The following RAPGEF4 variants were observed in gnomAD, a reference collection of about 807,000 sequenced individuals.
RAPGEF4 encodes the protein RAP guanine-nucleotide-exchange factor (GEF) 4.
A neutral mutation model predicts 147.9 loss-of-function variants in RAPGEF4; 66 were observed. The observed-to-expected ratio is 0.45, with a 90% CI of 0.37 to 0.55. The LOEUF (loss-of-function observed/expected upper bound fraction) is 0.55. Among genes scored for constraint, RAPGEF4 ranks in the 20% least tolerant of loss-of-function variants. RAPGEF4 has a pLI of 0.00. For synonymous variants in RAPGEF4, 419 were observed against 442.7 expected (o/e 0.95, Z 0.67); for missense variants, 1,071 against 1,257.3 (o/e 0.85, Z 2.24).
At chr2:172,925,409 C>A (rs1349317430) in intron 6 of RAPGEF4, among the ~76,000 whole-genome samples, 1 of 152,126 alleles carries the variant, frequency 6.6e-6, no homozygotes, top group African/African-American at 2.4e-5. Context: ...TATATTGCAC[C>A]TTTGTAGGAA....
chr2:172,774,076 G>A (rs76055991), intron 1 of RAPGEF4, among the ~76,000 whole-genome samples: 4,223 of 152,252 alleles, frequency 0.028, 117 homozygotes, highest in African/African-American at 0.063. Flanking sequence ...TTACTGTTGC[G>A]CTACTTCTAA....
intron 1 of RAPGEF4, among the ~76,000 whole-genome samples, chr2:172,761,138 T>G (rs1161271878): frequency 6.6e-6 from 1 of 151,218 alleles, no homozygotes; most frequent in Non-Finnish European, 1.5e-5. Flanking sequence ...CTTTTTTTTT[T>G]GTTTTAGACG....
intron 16 of RAPGEF4, among the ~76,000 whole-genome samples, chr2:173,000,729 CTTTCTTTCTTT>C (rs1693811469): frequency 8.0e-6 from 1 of 124,820 alleles, no homozygotes; most frequent in Non-Finnish European, 1.7e-5. Context: ...ATCTTGTTTT[CTTTCTTTCTTT>C]TCTTTCTTTC....
chr2:173,021,520 G>A (rs1426739236), intron 23 of RAPGEF4, among the ~76,000 whole-genome samples: 5 of 152,050 alleles, frequency 3.3e-5, no homozygotes, highest in Admixed American at 6.5e-5. Context: ...CCCGGGAGGC[G>A]GAGCTTGCAG....
chr2:172,908,751 G>T (rs1699845205), intron 4 of RAPGEF4, among the ~76,000 whole-genome samples: 1 of 152,130 alleles, frequency 6.6e-6, no homozygotes, highest in African/African-American at 2.4e-5. Flanking sequence ...TGCTTGTGTG[G>T]TGTGCCCTCG....
chr2:172,936,377 A>T (rs1686567956), intron 6 of RAPGEF4, among the ~76,000 whole-genome samples: 1 of 152,192 alleles, frequency 6.6e-6, no homozygotes, highest in Non-Finnish European at 1.5e-5. Context: ...TGCCCAAAAA[A>T]ACTTCTGTAA....
At chr2:172,975,736 T>G (rs1455944696) in intron 10 of RAPGEF4, among the ~76,000 whole-genome samples, 1 of 152,236 alleles carries the variant, frequency 6.6e-6, no homozygotes, top group Non-Finnish European at 1.5e-5. Context: ...AAAAAACATT[T>G]GCATTTTCCA....
chr2:172,982,590 T>C (rs1338592275), intron 10 of RAPGEF4, among the ~76,000 whole-genome samples: 1 of 152,156 alleles, frequency 6.6e-6, no homozygotes, highest in African/African-American at 2.4e-5. Flanking sequence ...TTCAAAATAA[T>C]TATAGATACG....
chr2:172,958,431 A>G (rs1344139433), intron 6 of RAPGEF4, among the ~76,000 whole-genome samples: 1 of 152,234 alleles, frequency 6.6e-6, no homozygotes, highest in Non-Finnish European at 1.5e-5. Context: ...GTCCCAGTGT[A>G]TGATGGTCTC....
chr2:172,792,106 C>T (rs1412545078), intron 1 of RAPGEF4, among the ~76,000 whole-genome samples: 3 of 152,324 alleles, frequency 2.0e-5, no homozygotes, highest in African/African-American at 7.2e-5. Flanking sequence ...ACCAGTGCTT[C>T]TGTGGCCGCA....
At chr2:172,906,351 A>G (rs1329685592) in intron 4 of RAPGEF4, among the ~76,000 whole-genome samples, 2 of 152,092 alleles carry the variant, frequency 1.3e-5, no homozygotes, top group African/African-American at 2.4e-5. Flanking sequence ...TTCTTCCCCA[A>G]TCCTGGACGC....
In RAPGEF4 at chr2:172,971,648, CTCTT is replaced by C. The variant is rs777275875; in HGVS notation, c.1004+4208_1004+4211del. ...TTGGGCTGGCAGTTTCTTCTTTTGA[CTCTT>C]TCTGCTGGAATAAGAGCTCTGAGAG... On this transcript the variant is annotated intron_variant, in intron 10 of 30. Coordinates refer to ENST00000397081, the MANE Select transcript of RAPGEF4 (RefSeq NM_007023.4). Among the ~76,000 whole-genome samples, 16 of 152,228 alleles carry C rather than the reference CTCTT, an allele frequency of 1.1e-4. 1 individual carries two copies. The East Asian group carries it at 2.1e-3, about 20-fold the overall frequency.
At chr2:172,806,458 T>C (rs961932423) in intron 3 of RAPGEF4, among the ~76,000 whole-genome samples, 1 of 152,212 alleles carries the variant, frequency 6.6e-6, no homozygotes, top group Non-Finnish European at 1.5e-5. Flanking sequence ...AAATTGGGGA[T>C]AATAGCTCTT....
chr2:173,016,499 C>A, intron 19 of RAPGEF4, 62 bp downstream of exon 19: 1 of 1,380,568 alleles, frequency 7.2e-7, no homozygotes, highest in Non-Finnish European at 1.0e-6. Flanking sequence ...AAGTCCTTTG[C>A]CCACAAGAAA....
At chr2:173,030,546 A>C (rs1697095927) in intron 26 of RAPGEF4, among the ~76,000 whole-genome samples, 2 of 152,244 alleles carry the variant, frequency 1.3e-5, no homozygotes, top group African/African-American at 4.8e-5. Flanking sequence ...TGAAGGACCC[A>C]CATTGCTGGG....
intron 6 of RAPGEF4, among the ~76,000 whole-genome samples, chr2:172,940,404 T>A (rs1018497539): frequency 3.3e-5 from 5 of 152,054 alleles, no homozygotes; most frequent in African/African-American, 4.8e-5. Flanking sequence ...GGGGGCAGAT[T>A]CTTCATGGGT....
chr2:172,967,221 G>C, intron 9 of RAPGEF4, 40 bp from the exon 10 acceptor site: 1 of 1,581,394 alleles, frequency 6.3e-7, no homozygotes, highest in Non-Finnish European at 8.6e-7. Context: ...CTGTGAGGCC[G>C]AGGTGCTGCA....
At chr2:172,814,567 T>G in intron 4 of RAPGEF4, 142 bp downstream of exon 4, 7 of 1,040,836 alleles carry the variant, frequency 6.7e-6, no homozygotes, top group Non-Finnish European at 1.0e-5. Context: ...AACTTGTTTT[T>G]GAAATGAGTG....
intron 10 of RAPGEF4, among the ~76,000 whole-genome samples, chr2:172,982,870 C>T (rs752690672): frequency 3.3e-5 from 5 of 152,128 alleles, no homozygotes; most frequent in Non-Finnish European, 7.4e-5. Context: ...GTGGAATATA[C>T]CTCCCTTCTT....
Sources: allele counts gnomAD v4.1 joint callset (sites outside exome capture counted in the v4.1 genomes callset), GRCh38; gene constraint gnomAD v4.1.1; transcripts MANE v1.5; gene names NCBI Gene and HGNC (gene_info 2026-07-23, HGNC 2026-07-21).